Variants in HERC2 observed in about 807,000 individuals in gnomAD.
The protein encoded by HERC2 is E3 ubiquitin-protein ligase HERC2.
A neutral mutation model predicts 537.7 loss-of-function variants in HERC2; 102 were observed. The observed-to-expected ratio is 0.19, with a 90% CI of 0.16 to 0.22. The LOEUF is 0.22. Ranked by LOEUF, HERC2 falls within the 10% of genes least tolerant of loss-of-function variation. The pLI, the probability that HERC2 is intolerant of heterozygous loss-of-function variation, is 1.00. For synonymous variants in HERC2, 2,224 were observed against 2,466.2 expected, an observed-to-expected ratio of 0.90 and a Z score of 2.91; for missense variants, 4,236 against 6,198.2, an observed-to-expected ratio of 0.68 and a Z score of 10.63.
intron 69 of HERC2, among the ~76,000 whole-genome samples, chr15:28,155,660 T>G (rs1216618351): frequency 6.6e-6 from 1 of 151,784 alleles, no homozygotes; most frequent in African/African-American, 2.4e-5. Flanking sequence ...TTCTGGATAT[T>G]AGACCTTTGT....
chr15:28,256,106 G>A lies in HERC2; in HGVS notation c.2729C>T (p.Ala910Val), dbSNP rs1190659923. The A allele has an allele frequency of 1.9e-6, 3 of 1,603,040 alleles. No homozygotes were observed. Among genetic ancestry groups the A allele is most frequent in the Non-Finnish European group, 2.5e-6 (3 of 1,179,338 alleles). ...TAEERARALS[A>V]LLPCAVSGNE... ...AGGCCCACCTGCGCAGGGCAGGAGAGCAGAGAGTGCCCGGGCCCGCTCCTC... is the reference window on the plus strand; with the variant it reads ...AGGCCCACCTGCGCAGGGCAGGAGAACAGAGAGTGCCCGGGCCCGCTCCTC... The change falls in exon 18 of 93, where the codon GCT (alanine) becomes GTT (valine). Residue 910 changes from alanine to valine, a missense_variant. By Grantham distance (64) the Ala-to-Val change is moderately conservative (BLOSUM62 0). Coordinates refer to ENST00000261609, the MANE Select transcript of HERC2 (RefSeq NM_004667.6).
chr15:28,314,006 A>G (rs2077014808), intron 2 of HERC2, among the ~76,000 whole-genome samples: 1 of 152,226 alleles, frequency 6.6e-6, no homozygotes, highest in South Asian at 2.1e-4. Context: ...GTGAGTTAGA[A>G]GTAGACCAGC....
At chr15:28,237,753 T>C (rs1302165382) in intron 25 of HERC2, among the ~76,000 whole-genome samples, 1 of 152,248 alleles carries the variant, frequency 6.6e-6, no homozygotes, top group Non-Finnish European at 1.5e-5. Flanking sequence ...AGGACATATT[T>C]CTACTGTAAA....
chr15:28,210,393 C>T (rs1416651878), intron 44 of HERC2, among the ~76,000 whole-genome samples: 1 of 152,178 alleles, frequency 6.6e-6, no homozygotes, highest in East Asian at 1.9e-4. Flanking sequence ...GCCTCGGCCT[C>T]CCAAAGTGCA....
At chr15:28,299,067 T>A (rs1481707976) in intron 3 of HERC2, among the ~76,000 whole-genome samples, 1 of 152,174 alleles carries the variant, frequency 6.6e-6, no homozygotes, top group Admixed American at 6.5e-5. Context: ...ATGATAGTCT[T>A]ACTGAGCATG....
chr15:28,204,017 C>A (rs569284067), intron 45 of HERC2: 47 of 151,766 alleles, frequency 3.1e-4, no homozygotes, highest in Admixed American at 4.6e-4. Context: ...AGGGCAAATA[C>A]AAAATCATTA....
Position 28,265,784 on chromosome 15 carries a change from C to T in HERC2, c.1756+33G>A, listed in dbSNP as rs1352491217. ...AAGTCCTGTAAGAGGCCACCTCCTG[C>T]TGCATGCTCCCACTCATGCAGAGCA... On this transcript the variant is annotated intron_variant, in intron 13 of 92. Coordinates refer to ENST00000261609, the MANE Select transcript of HERC2 (RefSeq NM_004667.6). The surrounding 1 kb of genome is among the most constrained non-coding windows in gnomAD (Gnocchi z 4.0). 6.2e-7 allele frequency: 1 copy of T among 1,614,152 alleles called. No individual in the cohort carries two copies. The highest frequency in any genetic ancestry group is 1.1e-5 in the South Asian group (1 of 91,074).
At chr15:28,247,539 C>T (rs867907906) in intron 21 of HERC2, among the ~76,000 whole-genome samples, 5 of 150,102 alleles carry the variant, frequency 3.3e-5, no homozygotes, top group South Asian at 2.1e-4. Context: ...AGCGATTCTC[C>T]TGCCTCAGCC....
At chr15:28,319,379 G>A (rs1278445757) in intron 2 of HERC2, among the ~76,000 whole-genome samples, 1 of 151,438 alleles carries the variant, frequency 6.6e-6, no homozygotes, top group Non-Finnish European at 1.5e-5. Context: ...TTGAGGTCAG[G>A]AGACCAGCCA....
chr15:28,213,642 G>C (rs1899520295), intron 42 of HERC2, 100 bp downstream of exon 42: 1 of 1,574,950 alleles, frequency 6.3e-7, no homozygotes, highest in Admixed American at 1.8e-5. Flanking sequence ...CAAACTTCAA[G>C]TACCAGAATC....
intron 83 of HERC2, 65 bp from the exon 84 acceptor site, chr15:28,125,258 G>T: frequency 1.5e-6 from 2 of 1,340,266 alleles, no homozygotes; most frequent in Non-Finnish European, 2.1e-6. Context: ...GGCTGCCAGT[G>T]TCTTCCCACC....
intron 55 of HERC2, among the ~76,000 whole-genome samples, chr15:28,188,044 T>C (rs1204648679): frequency 4.6e-5 from 7 of 151,848 alleles, no homozygotes; most frequent in Admixed American, 3.3e-4. Flanking sequence ...ACCACCACCA[T>C]AGGGATGCAA....
intron 35 of HERC2, among the ~76,000 whole-genome samples, chr15:28,223,250 C>T (rs1160450554): frequency 6.6e-6 from 1 of 152,046 alleles, no homozygotes; most frequent in Non-Finnish European, 1.5e-5. Context: ...ATTTTTAACC[C>T]CCCTTTTCCC....
At chr15:28,132,010 G>A (rs1224417943) in intron 81 of HERC2, 90 bp downstream of exon 81, 9 of 1,132,126 alleles carry the variant, frequency 7.9e-6, no homozygotes, top group Non-Finnish European at 1.1e-5. Flanking sequence ...CAGTAATGGT[G>A]GCTCTGAGGC....
Position 28,111,471 on chromosome 15 carries a change from T to G in HERC2, c.*292A>C. The G allele has an allele frequency of 5.2e-6, 2 of 381,076 alleles. No homozygotes were observed. Among genetic ancestry groups the G allele is most frequent in the Non-Finnish European group, 4.7e-6 (1 of 214,100 alleles). 23.6% of individuals were successfully genotyped at this position (381,076 alleles called of 1,614,324 possible). A position where few individuals can be genotyped will look rare whatever the true frequency, so the allele number is the denominator to read the frequency against. On this transcript the variant is annotated 3_prime_UTR_variant, in exon 93 of 93. Coordinates refer to ENST00000261609, the MANE Select transcript of HERC2 (RefSeq NM_004667.6). Reference sequence around the variant, plus strand: ...TTTATTCATTTTGGGGATGCTGCAATTTGGTATTTATATAAACATTTACAC... The same window carrying G: ...TTTATTCATTTTGGGGATGCTGCAAGTTGGTATTTATATAAACATTTACAC...
chr15:28,227,705 T>C (rs573687795), intron 35 of HERC2, among the ~76,000 whole-genome samples: 1 of 152,318 alleles, frequency 6.6e-6, no homozygotes, highest in Non-Finnish European at 1.5e-5. Flanking sequence ...TAAATGTTCC[T>C]AGCAGCACTA....
In HERC2 at chr15:28,206,312, G is replaced by A. The variant is rs1273669878; in HGVS notation, c.7140C>T (p.Leu2380=). Residue 2380 remains leucine, a synonymous_variant, in exon 45 of 93, where the codon CTC becomes CTT. Coordinates refer to ENST00000261609, the MANE Select transcript of HERC2 (RefSeq NM_004667.6). ...TGGCCGAGGCCAGCAGCTGCTGCAA[G>A]AGGATCATGGGGGGCTGCGGCCCTT... is the stretch of plus-strand genomic sequence containing the variant. ...SPEGPQPPMI[L]LQQLLASATQ... 1.2e-6 allele frequency: 1 copy of A among 833,806 alleles called. No homozygotes were observed. The highest frequency in any genetic ancestry group is 2.5e-5 in the East Asian group (1 of 39,444). The allele number at this position is 833,806 out of a possible 1,614,324, so 51.7% of individuals were successfully genotyped here.
chr15:28,179,786 C>A (rs536837261), intron 57 of HERC2, among the ~76,000 whole-genome samples: 97 of 152,130 alleles, frequency 6.4e-4, no homozygotes, highest in African/African-American at 2.1e-3. Flanking sequence ...TAGTTTTTAA[C>A]AAACACGTTA....
intron 44 of HERC2, among the ~76,000 whole-genome samples, chr15:28,209,202 C>T (rs1250161871): frequency 6.6e-6 from 1 of 152,132 alleles, no homozygotes; most frequent in Admixed American, 6.5e-5. Flanking sequence ...ACATATACAG[C>T]TAGCCCTCCA....
Sources: gnomAD v4.1 joint callset for allele counts (sites outside exome capture counted in the v4.1 genomes callset) on GRCh38, gnomAD v4.1.1 for gene constraint, Gnocchi (gnomAD v3.1) non-coding constraint, MANE v1.5 for transcripts, NCBI Gene and HGNC (gene_info 2026-07-23, HGNC 2026-07-21) for gene names.